The following SEC23A variants were observed in gnomAD, a reference collection of about 807,000 sequenced individuals.
SEC23A encodes the protein SEC23 homolog A, COPII component.
SEC23A carries 56 observed loss-of-function variants against 103.7 expected under a neutral mutation model. That is an observed-to-expected ratio of 0.54 (90% CI 0.44 to 0.67). The LOEUF (loss-of-function observed/expected upper bound fraction) is 0.67. Ranked by LOEUF, SEC23A falls within the 30% of genes least tolerant of loss-of-function variation. SEC23A has a pLI of 0.00. For missense variants in SEC23A, 784 were observed against 936.4 expected, an observed-to-expected ratio of 0.84 and a Z score of 2.12; for synonymous variants, 281 against 293.0, an observed-to-expected ratio of 0.96 and a Z score of 0.42.
At chr14:39,093,303 A>C (rs533914349) in intron 2 of SEC23A, 59 bp from the exon 3 acceptor site, 9 of 1,361,342 alleles carry the variant, frequency 6.6e-6, no homozygotes, top group African/African-American at 1.4e-5. Context: ...TTTTACAAAA[A>C]TCCTAATTTC....
chr14:39,070,775 C>A (rs1886815908), intron 9 of SEC23A, among the ~76,000 whole-genome samples: 1 of 152,104 alleles, frequency 6.6e-6, no homozygotes, highest in African/African-American at 2.4e-5. Flanking sequence ...GCCTATAATC[C>A]CAGCACTTTG....
chr14:39,096,382 T>A (rs1233792495), intron 1 of SEC23A, among the ~76,000 whole-genome samples: 1 of 151,836 alleles, frequency 6.6e-6, no homozygotes, highest in Non-Finnish European at 1.5e-5. Flanking sequence ...AATACAAAAT[T>A]AGCCAGGCAT....
intron 19 of SEC23A, among the ~76,000 whole-genome samples, chr14:39,034,375 G>A (rs34984050): frequency 0.27 from 41,754 of 152,120 alleles, 6,638 homozygotes; most frequent in Non-Finnish European, 0.35. Context: ...AAAGCAAACA[G>A]AACAGTACCT....
intron 11 of SEC23A, among the ~76,000 whole-genome samples, chr14:39,063,685 T>C (rs1451742356): frequency 2.6e-5 from 4 of 152,178 alleles, no homozygotes; most frequent in Non-Finnish European, 5.9e-5. Context: ...AAGTTCTTCA[T>C]ACTGTTCTCT....
chr14:39,084,466 T>C (rs974613692), intron 7 of SEC23A, among the ~76,000 whole-genome samples: 1 of 152,200 alleles, frequency 6.6e-6, no homozygotes, highest in African/African-American at 2.4e-5. Context: ...TACAAAACAA[T>C]ACACAAGACA....
At chr14:39,081,948 T>C (rs1887242765) in intron 7 of SEC23A, among the ~76,000 whole-genome samples, 2 of 152,138 alleles carry the variant, frequency 1.3e-5, no homozygotes, top group African/African-American at 4.8e-5. Flanking sequence ...AAGCATTATC[T>C]TCTTGGTAGA....
At chr14:39,058,408 C>T (rs558830297) in intron 13 of SEC23A, among the ~76,000 whole-genome samples, 5 of 152,128 alleles carry the variant, frequency 3.3e-5, no homozygotes, top group African/African-American at 1.2e-4. Flanking sequence ...CCCGGGTTCA[C>T]GCCATTCTCC....
Position 39,092,573 on chromosome 14 carries a change from G to A in SEC23A, c.334C>T (p.Pro112Ser). The change falls in exon 4 of 20, where the codon CCT becomes TCT. Residue 112 changes from proline (P) to serine (S), a missense_variant. By Grantham distance (74) the Pro-to-Ser change is moderately conservative (BLOSUM62 -1). Coordinates refer to ENST00000307712, the MANE Select transcript of SEC23A (RefSeq NM_006364.4). ...ACATATTCAATGCTAGAAAACTGAG[G>A]TAAAAGTTCAGCAGGCTGATTCAGT... ...SELNQPAELL[P>S]QFSSIEYVVL... is the part of the protein sequence containing the mutation. The A allele has an allele frequency of 6.2e-7, 1 of 1,611,196 alleles. No homozygotes were observed. Among genetic ancestry groups the A allele is most frequent in the Non-Finnish European group, 8.5e-7 (1 of 1,178,050 alleles).
intron 9 of SEC23A, among the ~76,000 whole-genome samples, chr14:39,072,609 G>A (rs1442263713): frequency 6.6e-6 from 1 of 151,952 alleles, no homozygotes; most frequent in Non-Finnish European, 1.5e-5. Context: ...AGGAGTTCGA[G>A]ACCAGCCTGG....
chr14:39,073,188 A>G (rs1331217233), intron 9 of SEC23A, among the ~76,000 whole-genome samples: 1 of 152,226 alleles, frequency 6.6e-6, no homozygotes, highest in Non-Finnish European at 1.5e-5. Flanking sequence ...TTTACTCAGC[A>G]GTAAAAATAA....
At chr14:39,092,991 G>C (rs113753337) in intron 3 of SEC23A, 196 bp downstream of exon 3, 201 of 500,230 alleles carry the variant, frequency 4.0e-4, no homozygotes, top group African/African-American at 3.6e-3. Flanking sequence ...AGCCTCACGA[G>C]TAGCTGGGAC....
At chr14:39,056,850 T>C (rs1033469017) in intron 13 of SEC23A, among the ~76,000 whole-genome samples, 4 of 152,154 alleles carry the variant, frequency 2.6e-5, no homozygotes, top group African/African-American at 9.7e-5. Flanking sequence ...TAAAGAAATC[T>C]TCCAAAGTAA....
intron 12 of SEC23A, among the ~76,000 whole-genome samples, chr14:39,062,550 T>A (rs1265527203): frequency 2.0e-5 from 3 of 152,130 alleles, no homozygotes; most frequent in Non-Finnish European, 4.4e-5. Flanking sequence ...GAAAGATTAA[T>A]AATGAGAAGA....
At chr14:39,075,247 A>G (rs1382786022) in intron 8 of SEC23A, among the ~76,000 whole-genome samples, 1 of 152,234 alleles carries the variant, frequency 6.6e-6, no homozygotes, top group African/African-American at 2.4e-5. Flanking sequence ...GCTGTAACCA[A>G]GAAAAATTCC....
intron 7 of SEC23A, among the ~76,000 whole-genome samples, chr14:39,083,563 C>CTTTTTTTTTTTTTTTTTTTT: frequency 1.1e-5 from 1 of 91,810 alleles, no homozygotes; most frequent in Non-Finnish European, 2.1e-5. Flanking sequence ...AATAAACTTT[C>CTTTTTTTTTTTTTTTTTTTT]TTTTTTTTTT....
chr14:39,034,192 A>G (rs921837257), intron 19 of SEC23A, among the ~76,000 whole-genome samples: 1 of 152,234 alleles, frequency 6.6e-6, no homozygotes, highest in Non-Finnish European at 1.5e-5. Context: ...GATTAAGGGC[A>G]TAGAGTCTGG....
At chr14:39,045,875 T>C (rs1482007252) in intron 15 of SEC23A, among the ~76,000 whole-genome samples, 1 of 148,978 alleles carries the variant, frequency 6.7e-6, no homozygotes, top group East Asian at 2.0e-4. Flanking sequence ...ACAGATTTTC[T>C]ACTTTTTATA....
At chr14:39,056,211 G>A (rs1192754645) in intron 13 of SEC23A, among the ~76,000 whole-genome samples, 11 of 151,776 alleles carry the variant, frequency 7.2e-5, no homozygotes, top group Admixed American at 3.9e-4. Context: ...TCTTTGTTCA[G>A]GGCCCAGTCT....
intron 1 of SEC23A, among the ~76,000 whole-genome samples, chr14:39,099,318 C>T (rs1888003888): frequency 6.6e-6 from 1 of 151,884 alleles, no homozygotes; most frequent in Admixed American, 6.6e-5. Context: ...GCCACCATAC[C>T]CAGCTAATTT....
Sources: gnomAD v4.1 joint callset for allele counts (sites outside exome capture counted in the v4.1 genomes callset) on GRCh38, gnomAD v4.1.1 for gene constraint, MANE v1.5 for transcripts, NCBI Gene and HGNC (gene_info 2026-07-23, HGNC 2026-07-21) for gene names.